PHKA2: variants seen among roughly 807,000 people sequenced by gnomAD.
PHKA2 encodes the protein phosphorylase b kinase regulatory subunit alpha, liver isoform.
A neutral mutation model predicts 102.0 loss-of-function variants in PHKA2; 31 were observed. The ratio of observed to expected loss-of-function variants is 0.30; its 90% confidence interval spans 0.23 to 0.41. The LOEUF is 0.41. Among genes scored for constraint, PHKA2 ranks in the 10% least tolerant of loss-of-function variants. The pLI, the probability that PHKA2 is intolerant of heterozygous loss-of-function variation, is 1.00. For missense variants in PHKA2, 858 were observed against 1,023.1 expected, an observed-to-expected ratio of 0.84 and a Z score of 2.20; for synonymous variants, 455 against 416.2, an observed-to-expected ratio of 1.09 and a Z score of -1.13.
chrX:18,919,543 A>C (rs1251317574), intron 18 of PHKA2, among the ~76,000 whole-genome samples: 3 of 109,468 alleles, frequency 2.7e-5, no homozygotes, highest in African/African-American at 1.0e-4. Context: ...CATCTCTATA[A>C]AATATAAAAG....
At chrX:18,894,469 C>G (rs1313311272) in intron 31 of PHKA2, 65 bp from the exon 32 acceptor site, 3 of 984,971 alleles carry the variant, frequency 3.0e-6, no homozygotes, top group Non-Finnish European at 4.3e-6. Context: ...AATCAATCAC[C>G]GAGTAACCAA....
chrX:18,908,061 C>T lies in PHKA2; in HGVS notation c.2361-5G>A, dbSNP rs762365156. 2 of 1,208,928 alleles carry T rather than the reference C, an allele frequency of 1.7e-6. No homozygotes were observed. The highest frequency in any genetic ancestry group is 2.2e-6 in the Non-Finnish European group (2 of 892,904). ...TTTGTGTCCCAGCTGGGACCCCTGC[C>T]AAGAGGTAGAAAAACCCAGAAATAT... On this transcript the variant is annotated splice_polypyrimidine_tract_variant and splice_region_variant and intron_variant, in intron 21 of 32. Coordinates refer to ENST00000379942, the MANE Select transcript of PHKA2 (RefSeq NM_000292.3).
intron 9 of PHKA2, 49 bp from the exon 10 acceptor site, chrX:18,938,798 C>T (rs1292500358): frequency 9.0e-7 from 1 of 1,105,002 alleles, no homozygotes; most frequent in African/African-American, 1.8e-5. Flanking sequence ...AGAATACATA[C>T]ATAATACCAT....
At chrX:18,897,978 A>G (rs1013769488) in intron 29 of PHKA2, 5 of 113,659 alleles carry the variant, frequency 4.4e-5, no homozygotes, top group Non-Finnish European at 9.3e-5. Context: ...TCATTGCTGC[A>G]GTGCCACAGA....
At chrX:18,929,388 T>C (rs2048276714) in intron 12 of PHKA2, 82 bp from the exon 13 acceptor site, 2 of 676,577 alleles carry the variant, frequency 3.0e-6, no homozygotes, top group East Asian at 7.1e-5. Context: ...AATGAAATAT[T>C]TTGGGGCTCA....
At chrX:18,972,798 A>G (rs1296178133) in intron 1 of PHKA2, among the ~76,000 whole-genome samples, 2 of 111,758 alleles carry the variant, frequency 1.8e-5, no homozygotes, top group Non-Finnish European at 1.9e-5. Context: ...TTTTCCTGCA[A>G]ATAATAATCT....
intron 26 of PHKA2, among the ~76,000 whole-genome samples, chrX:18,901,911 C>T (rs952715356): frequency 1.8e-5 from 2 of 109,891 alleles, no homozygotes; most frequent in African/African-American, 6.6e-5. Flanking sequence ...GGCATGATCT[C>T]GGCTCACTGC....
At chrX:18,909,114 T>C (rs957228986) in intron 20 of PHKA2, among the ~76,000 whole-genome samples, 180 bp from the exon 21 acceptor site, 2 of 112,597 alleles carry the variant, frequency 1.8e-5, no homozygotes, top group African/African-American at 6.5e-5. Context: ...TGAATCACTG[T>C]GCTGGTCAAC....
intron 30 of PHKA2, chrX:18,895,468 G>C (rs1341805564): frequency 8.2e-6 from 3 of 366,683 alleles, no homozygotes; most frequent in Non-Finnish European, 1.4e-5. Context: ...GGGAGGCTCC[G>C]CATTGTACTT....
chrX:18,894,550 T>A, intron 31 of PHKA2, 146 bp from the exon 32 acceptor site: 1 of 538,050 alleles, frequency 1.9e-6, no homozygotes, highest in Non-Finnish European at 3.2e-6. Context: ...ACTCCCTGGA[T>A]CCTGCTGGCA....
At chrX:18,951,573 A>T (rs2048689087) in intron 3 of PHKA2, among the ~76,000 whole-genome samples, 1 of 111,202 alleles carries the variant, frequency 9.0e-6, no homozygotes, top group African/African-American at 3.3e-5. Context: ...TCAAGGAGAG[A>T]TGGAGGGAGG....
intron 18 of PHKA2, among the ~76,000 whole-genome samples, chrX:18,919,746 A>AAAAAAAAG (rs1556000663): frequency 9.7e-6 from 1 of 103,221 alleles, no homozygotes; most frequent in African/African-American, 3.7e-5. Context: ...AAAAAAAAAA[A>AAAAAAAAG]AGAGAGAGAG....
chrX:18,945,165 GA>G lies in PHKA2; in HGVS notation c.538-8del. 8.7e-7 allele frequency: 1 copy of G among 1,149,648 alleles called. No individual in the cohort carries two copies. Among genetic ancestry groups the G allele is most frequent in the Non-Finnish European group, 1.2e-6 (1 of 838,922 alleles). 94.7% of individuals were successfully genotyped at this position (1,149,648 alleles called of 1,213,427 possible). A position where few individuals can be genotyped will look rare whatever the true frequency, so the allele number is the denominator to read the frequency against. ...GCTCCCACATTCCATAATCCTGGGG[GA>G]GAAAAAGGTGGGAATCAGAGGGGAG... is the stretch of plus-strand genomic sequence containing the variant. On this transcript the variant is annotated splice_region_variant and splice_polypyrimidine_tract_variant and intron_variant, in intron 5 of 32. Transcript: ENST00000379942.
At chrX:18,897,114 G>T in intron 30 of PHKA2, 49 bp downstream of exon 30, 2 of 1,182,797 alleles carry the variant, frequency 1.7e-6, no homozygotes, top group Non-Finnish European at 2.3e-6. Context: ...GCCTTGCCAG[G>T]ACAGTAAGGG....
intron 28 of PHKA2, 120 bp from the exon 29 acceptor site, chrX:18,899,346 G>A (rs1346595116): frequency 1.3e-5 from 8 of 617,031 alleles, no homozygotes; most frequent in Admixed American, 5.1e-5. Flanking sequence ...GAATGCGGGC[G>A]CAGAGAAGGT....
At chrX:18,964,563 A>G (rs932072786) in intron 1 of PHKA2, among the ~76,000 whole-genome samples, 1 of 112,634 alleles carries the variant, frequency 8.9e-6, no homozygotes, top group African/African-American at 3.2e-5. Flanking sequence ...ATAGAAAGTG[A>G]AAAATCCTGT....
At chrX:18,983,784 A>C (rs1002370702) in intron 1 of PHKA2, 71 bp downstream of exon 1, 1 of 910,696 alleles carries the variant, frequency 1.1e-6, no homozygotes, top group Non-Finnish European at 1.6e-6. Flanking sequence ...CAAGAGGGCC[A>C]GACCTGGGAA....
At chrX:18,935,873 C>T (rs756664132) in intron 11 of PHKA2, among the ~76,000 whole-genome samples, 182 bp downstream of exon 11, 183 of 110,330 alleles carry the variant, frequency 1.7e-3, no homozygotes, top group African/African-American at 6.0e-3. Context: ...GCCTCAGCCT[C>T]CCAAAGTGCT....
intron 26 of PHKA2, among the ~76,000 whole-genome samples, chrX:18,901,805 T>G (rs906889889): frequency 1.5e-4 from 17 of 109,734 alleles, no homozygotes; most frequent in African/African-American, 5.7e-4. Flanking sequence ...TTAAGCACCA[T>G]TATAACACAG....
Sources: gnomAD v4.1 joint callset for allele counts (sites outside exome capture counted in the v4.1 genomes callset) on GRCh38, gnomAD v4.1.1 for gene constraint, MANE v1.5 for transcripts, NCBI Gene and HGNC (gene_info 2026-07-23, HGNC 2026-07-21) for gene names.